ERI3: variants seen among roughly 807,000 people sequenced by gnomAD.
ERI3 encodes ERI1 exoribonuclease family member 3.
A neutral mutation model predicts 44.4 loss-of-function variants in ERI3; 18 were observed. That is an observed-to-expected ratio of 0.41 (90% CI 0.28 to 0.60). The LOEUF is 0.60. Ranked by LOEUF, ERI3 falls within the 20% of genes least tolerant of loss-of-function variation. ERI3 has a pLI of 0.36. For missense variants in ERI3, 294 were observed against 435.5 expected (o/e 0.68, Z 2.89); for synonymous variants, 183 against 164.8 (o/e 1.11, Z -0.84).
At chr1:44,289,915 A>G (rs939122815) in intron 6 of ERI3, among the ~76,000 whole-genome samples, 1 of 152,266 alleles carries the variant, frequency 6.6e-6, no homozygotes, top group Non-Finnish European at 1.5e-5. Context: ...AGACTGGCAG[A>G]CAGGCCAACA....
chr1:44,302,823 G>A (rs925958877), intron 6 of ERI3, among the ~76,000 whole-genome samples: 5 of 152,180 alleles, frequency 3.3e-5, no homozygotes, highest in African/African-American at 7.2e-5. Flanking sequence ...CAGGACTGTC[G>A]TTAAACACAT....
chr1:44,275,766 C>T (rs577332042), intron 7 of ERI3, among the ~76,000 whole-genome samples: 45 of 152,278 alleles, frequency 3.0e-4, no homozygotes, highest in African/African-American at 1.0e-3. Flanking sequence ...ATCCCTACAG[C>T]TGCTGGGTTT....
intron 8 of ERI3, among the ~76,000 whole-genome samples, chr1:44,232,935 G>A (rs1343243099): frequency 6.6e-6 from 1 of 152,180 alleles, no homozygotes; most frequent in Non-Finnish European, 1.5e-5. Context: ...TAACTGACAT[G>A]TCTGCCTTTG....
chr1:44,262,408 C>T lies in ERI3; in HGVS notation c.832-14370G>A, dbSNP rs945006635. On this transcript the variant is annotated intron_variant, in intron 7 of 8. Transcript: ENST00000372257. ...CTTCTCCGGGCTCTGGAAGGCAACA[C>T]CATTTATATTACCCTGTAGAGATGG... 9.8e-5 allele frequency among the ~76,000 whole-genome samples: 15 copies of T among 152,354 alleles called. No individual in the cohort carries two copies. The East Asian group carries it at 2.3e-3, about 24-fold the overall frequency.
At chr1:44,229,063 G>T (rs1366581463) in intron 8 of ERI3, among the ~76,000 whole-genome samples, 2 of 152,216 alleles carry the variant, frequency 1.3e-5, no homozygotes, top group East Asian at 1.9e-4. Context: ...CCTAGACCAG[G>T]TGACCACTCC....
chr1:44,351,040 T>TC (rs1646879794), intron 2 of ERI3, among the ~76,000 whole-genome samples: 1 of 152,030 alleles, frequency 6.6e-6, no homozygotes, highest in Non-Finnish European at 1.5e-5. Context: ...AGCAAACTTT[T>TC]TTTTTTTTTT....
intron 2 of ERI3, among the ~76,000 whole-genome samples, chr1:44,342,826 T>TATAA (rs1312905573): frequency 5.8e-5 from 1 of 17,292 alleles, no homozygotes; most frequent in Non-Finnish European, 1.1e-4. Flanking sequence ...TATATATATA[T>TATAA]ATATATATAT....
intron 8 of ERI3, among the ~76,000 whole-genome samples, chr1:44,223,442 T>G (rs1300081154): frequency 6.6e-6 from 1 of 151,986 alleles, no homozygotes; most frequent in East Asian, 1.9e-4. Flanking sequence ...AGAGAGACTA[T>G]GATAGGGTGA....
intron 7 of ERI3, among the ~76,000 whole-genome samples, chr1:44,276,390 T>C (rs577662931): frequency 4.1e-4 from 62 of 152,372 alleles, no homozygotes; most frequent in Middle Eastern, 6.8e-3. Flanking sequence ...TTTATACATA[T>C]GTGTCCATGC....
chr1:44,324,401 C>A (rs1646264524), intron 3 of ERI3, among the ~76,000 whole-genome samples: 1 of 151,906 alleles, frequency 6.6e-6, no homozygotes, highest in Non-Finnish European at 1.5e-5. Flanking sequence ...TACTATAAAC[C>A]ACCAAATCCC....
At chr1:44,314,801 C>T (rs780347389) in intron 4 of ERI3, among the ~76,000 whole-genome samples, 12 of 152,168 alleles carry the variant, frequency 7.9e-5, no homozygotes, top group East Asian at 1.9e-4. Context: ...ACTAGAGATC[C>T]GGCAGTGAAG....
At position 44,354,530 on chromosome 1, in the gene ERI3, C is replaced by T. The variant is rs546079486; in HGVS notation, c.135+362G>A. On this transcript the variant is annotated intron_variant, in intron 1 of 8. Transcript: ENST00000372257. ...TTCACTCCTTCCACCATCACTACTA[C>T]CACCGCTTCAGATTTACAAAGAGGT... 5.1e-6 allele frequency: 5 copies of T among 985,406 alleles called. No individual in the cohort carries two copies. The East Asian group carries it at 4.5e-4, about 89-fold the overall frequency. 61.0% of individuals were successfully genotyped at this position (985,406 alleles called of 1,614,324 possible).
intron 3 of ERI3, among the ~76,000 whole-genome samples, chr1:44,323,671 G>A (rs529657025): frequency 2.6e-5 from 4 of 152,288 alleles, no homozygotes; most frequent in East Asian, 1.9e-4. Context: ...TGTTTACTAC[G>A]TGGCAGATAC....
intron 6 of ERI3, among the ~76,000 whole-genome samples, chr1:44,301,617 A>C (rs768910338): frequency 2.6e-5 from 4 of 152,204 alleles, no homozygotes; most frequent in Non-Finnish European, 5.9e-5. Context: ...ACACAAAAAC[A>C]TGCAATCAGC....
At chr1:44,258,921 C>A (rs886920997) in intron 7 of ERI3, among the ~76,000 whole-genome samples, 2 of 152,174 alleles carry the variant, frequency 1.3e-5, no homozygotes, top group Admixed American at 6.5e-5. Flanking sequence ...GCCCAAAGAA[C>A]CTTCTCTTTG....
At chr1:44,304,789 TC>T (rs1248218430) in intron 6 of ERI3, among the ~76,000 whole-genome samples, 1 of 151,868 alleles carries the variant, frequency 6.6e-6, no homozygotes, top group Non-Finnish European at 1.5e-5. Context: ...TCTCCAGACC[TC>T]CTAAAACCTG....
At chr1:44,281,878 ATGTGTGTGTGTG>A (rs10574197) in intron 7 of ERI3, among the ~76,000 whole-genome samples, 1,620 of 126,996 alleles carry the variant, frequency 0.013, 48 homozygotes, top group African/African-American at 0.042. Context: ...ACATGTGCAT[ATGTGTGTGTGTG>A]TGTGTGTGTG....
intron 3 of ERI3, among the ~76,000 whole-genome samples, chr1:44,325,366 C>T (rs1572284270): frequency 2.0e-5 from 3 of 152,124 alleles, no homozygotes; most frequent in Non-Finnish European, 2.9e-5. Context: ...TGAGCCACCA[C>T]GCCCGGCCCC....
chr1:44,263,163 C>T (rs915320736), intron 7 of ERI3, among the ~76,000 whole-genome samples: 1 of 152,214 alleles, frequency 6.6e-6, no homozygotes, highest in Non-Finnish European at 1.5e-5. Flanking sequence ...AGGATTCTCA[C>T]ACTTTTTTCT....
Sources: allele counts gnomAD v4.1 joint callset (sites outside exome capture counted in the v4.1 genomes callset), GRCh38; gene constraint gnomAD v4.1.1; transcripts MANE v1.5; gene names NCBI Gene and HGNC (gene_info 2026-07-23, HGNC 2026-07-21).